UPP2: variants seen among roughly 807,000 people sequenced by gnomAD.
UPP2 encodes the protein UPase 2.
UPP2 carries 23 observed loss-of-function variants against 26.7 expected under a neutral mutation model. The observed-to-expected ratio is 0.86, with a 90% CI of 0.62 to 1.22. UPP2 has a LOEUF of 1.22. Among genes scored for constraint, UPP2 ranks in the 50% most tolerant of loss-of-function variants. UPP2 has a pLI of 0.00. For synonymous variants in UPP2, 127 were observed against 141.3 expected (o/e 0.90, Z 0.72); for missense variants, 387 against 396.7 (o/e 0.98, Z 0.21).
intron 3 of UPP2, among the ~76,000 whole-genome samples, chr2:158,079,021 T>C (rs1231391178): frequency 1.3e-5 from 2 of 152,094 alleles, no homozygotes; most frequent in Non-Finnish European, 2.9e-5. Context: ...TTCATGACAG[T>C]GAGTCCTCAT....
At chr2:158,015,663 G>C in intron 2 of UPP2, 3 of 400,308 alleles carry the variant, frequency 7.5e-6, no homozygotes, top group Non-Finnish European at 1.5e-5. Flanking sequence ...GGGCCTGGCG[G>C]GAGGTGACTG....
At position 158,121,564 on chromosome 2, in the gene UPP2, C is replaced by T. The variant is rs1473278464; in HGVS notation, c.610C>T (p.Pro204Ser). 1.2e-6 allele frequency: 2 copies of T among 1,613,350 alleles called. No homozygotes were observed. The highest frequency in any genetic ancestry group is 1.3e-5 in the African/African-American group (1 of 74,870). ...EELFNCSKEI[P>S]NFPTLVGHTM... is the part of the protein sequence containing the mutation. ...ACTGTTCAACTGTAGCAAAGAAATC[C>T]CCAACTTCCCAACCCTCGTTGGACA... Residue 204 changes from proline to serine, a missense_variant, in exon 5 of 7, where the codon CCC (proline) becomes TCC (serine). Transcript: ENST00000005756.
intron 3 of UPP2, among the ~76,000 whole-genome samples, chr2:158,063,761 G>A (rs544603069): frequency 1.3e-5 from 2 of 152,146 alleles, no homozygotes; most frequent in Admixed American, 6.5e-5. Flanking sequence ...TCCACCCCCC[G>A]ACAGGTCTTG....
chr2:158,002,317 A>G (rs1418910772), intron 2 of UPP2, among the ~76,000 whole-genome samples: 1 of 152,238 alleles, frequency 6.6e-6, no homozygotes, highest in Admixed American at 6.5e-5. Flanking sequence ...CCACCATTAG[A>G]GAGAAAAAGC....
intron 3 of UPP2, among the ~76,000 whole-genome samples, chr2:158,024,292 C>G (rs1362128941): frequency 6.6e-6 from 1 of 152,188 alleles, no homozygotes; most frequent in Non-Finnish European, 1.5e-5. Context: ...AGGTTTCTTT[C>G]AACTAACCCA....
rs186034605 is a variant in UPP2 at position 158,095,670 on chromosome 2, A to G, written c.148-6370A>G. 5.3e-5 allele frequency among the ~76,000 whole-genome samples: 8 copies of G among 152,214 alleles called. No homozygotes were observed. The East Asian group carries it at 1.5e-3, about 29-fold the overall frequency. On this transcript the variant is annotated intron_variant, in intron 3 of 9. Coordinates refer to the UPP2 transcript ENST00000605860. ...ATCTGAAAATTGGGGAAATAATAAT[A>G]CCTATCTCACAGACGTGTTGTGAGG... is the stretch of plus-strand genomic sequence containing the variant.
intron 2 of UPP2, among the ~76,000 whole-genome samples, chr2:158,005,599 A>T (rs181309585): frequency 6.6e-6 from 1 of 152,356 alleles, no homozygotes; most frequent in East Asian, 1.9e-4. Flanking sequence ...TGATGGTTTC[A>T]GTGGAAGAAT....
intron 3 of UPP2, among the ~76,000 whole-genome samples, chr2:158,078,226 T>C (rs1263567847): frequency 6.6e-6 from 1 of 152,120 alleles, no homozygotes; most frequent in Non-Finnish European, 1.5e-5. Flanking sequence ...GTTTGGTGTT[T>C]CCTCAGAAAA....
chr2:158,078,882 T>G (rs1682674570), intron 3 of UPP2, among the ~76,000 whole-genome samples: 1 of 152,124 alleles, frequency 6.6e-6, no homozygotes, highest in Admixed American at 6.6e-5. Flanking sequence ...AAGTATCTCA[T>G]GTACCCTGAT....
chr2:158,090,098 A>C (rs1682882820), intron 3 of UPP2, among the ~76,000 whole-genome samples: 2 of 152,206 alleles, frequency 1.3e-5, no homozygotes, highest in South Asian at 4.1e-4. Context: ...ATTTAAAAAT[A>C]ACTAAAAGGG....
chr2:158,047,772 A>T (rs1416676898), intron 3 of UPP2, among the ~76,000 whole-genome samples: 2 of 152,312 alleles, frequency 1.3e-5, no homozygotes, highest in African/African-American at 4.8e-5. Flanking sequence ...TGGCTCATTC[A>T]TTCATTAATT....
chr2:158,067,565 C>T (rs998948072), intron 3 of UPP2, among the ~76,000 whole-genome samples: 2 of 152,062 alleles, frequency 1.3e-5, no homozygotes, highest in Non-Finnish European at 2.9e-5. Context: ...AAAACCAAAA[C>T]TTTCAGAAGA....
rs1044925032 is a variant in UPP2 at position 158,036,599 on chromosome 2, G to A, written c.147+20713G>A. Among the ~76,000 whole-genome samples the A allele has an allele frequency of 7.2e-5, 11 of 152,250 alleles. 1 individual carries two copies. Among genetic ancestry groups the A allele is most frequent in the South Asian group, 2.1e-4 (1 of 4,820 alleles). On this transcript the variant is annotated intron_variant, in intron 3 of 9. Transcript: ENST00000605860. ...AAATTTTGCTAGCTCTTATCTGTTC[G>A]TTCATAAGCTGGTGTAAGTAAGGCT... is the stretch of plus-strand genomic sequence containing the variant.
chr2:158,018,597 A>T (rs1183058686), intron 3 of UPP2, among the ~76,000 whole-genome samples: 1 of 152,122 alleles, frequency 6.6e-6, no homozygotes, highest in East Asian at 1.9e-4. Flanking sequence ...GCAGTGGGGG[A>T]AGGGGGCTGC....
intron 3 of UPP2, among the ~76,000 whole-genome samples, chr2:158,031,585 A>C (rs913947080): frequency 6.6e-6 from 1 of 152,208 alleles, no homozygotes; most frequent in Non-Finnish European, 1.5e-5. Context: ...AGCCAGCTCT[A>C]TTCTAACAAG....
intron 3 of UPP2, among the ~76,000 whole-genome samples, chr2:158,029,039 T>C (rs1174801958): frequency 6.6e-6 from 1 of 152,238 alleles, no homozygotes; most frequent in Non-Finnish European, 1.5e-5. Flanking sequence ...CCAGTCTATC[T>C]GTTCACTCGC....
intron 3 of UPP2, among the ~76,000 whole-genome samples, chr2:158,027,795 G>A (rs1004965350): frequency 9.9e-5 from 15 of 152,162 alleles, no homozygotes; most frequent in South Asian, 2.1e-4. Context: ...AAATCTAGGC[G>A]GAGGTTTCCA....
intron 2 of UPP2, among the ~76,000 whole-genome samples, chr2:158,107,841 G>C (rs1683227979): frequency 6.6e-6 from 1 of 152,080 alleles, no homozygotes; most frequent in African/African-American, 2.4e-5. Flanking sequence ...TGTGCTCCTT[G>C]CCTTTGTGTG....
chr2:158,077,756 C>T (rs992834767), intron 3 of UPP2, among the ~76,000 whole-genome samples: 16 of 151,950 alleles, frequency 1.1e-4, no homozygotes, highest in African/African-American at 3.6e-4. Flanking sequence ...GCACAGGCAA[C>T]CAAAGCAAAA....
Sources: gnomAD v4.1 joint callset for allele counts (sites outside exome capture counted in the v4.1 genomes callset) on GRCh38, gnomAD v4.1.1 for gene constraint, MANE v1.5 for transcripts, NCBI Gene and HGNC (gene_info 2026-07-23, HGNC 2026-07-21) for gene names.